The following ZNF223 variants were observed in gnomAD, a reference collection of about 807,000 sequenced individuals.
The protein encoded by ZNF223 is Homo sapiens zinc finger protein 223.
Under a neutral mutation model 12.3 loss-of-function variants are expected in ZNF223, and 9 were observed. The ratio of observed to expected loss-of-function variants is 0.73; its 90% CI spans 0.44 to 1.28. The LOEUF is 1.28. ZNF223 is among the 50% of genes most tolerant of loss of function. The probability of loss-of-function intolerance (pLI) is 0.00; values close to 1 mark genes in which losing one functional copy is unlikely to be tolerated. For synonymous variants in ZNF223, 171 were observed against 195.2 expected (o/e 0.88, Z 1.03); for missense variants, 506 against 579.0 (o/e 0.87, Z 1.29).
chr19:44,060,779 A>G lies in ZNF223; in HGVS notation c.173A>G (p.His58Arg). 2.5e-6 allele frequency: 4 copies of G among 1,614,034 alleles called. No homozygotes were observed. The South Asian group carries it at 3.3e-5, about 13-fold the overall frequency. Residue 58 changes from histidine to arginine, a missense_variant, in exon 4 of 5, where the codon CAC becomes CGC. Coordinates refer to ENST00000434772, the MANE Select transcript of ZNF223 (RefSeq NM_013361.6). ...GHQPFHRDTF[H>R]FLREEKFWMM... is the part of the protein sequence containing the mutation. ...CAACCATTCCACCGAGATACTTTCCACTTTCTAAGGGAGGAAAAGTTTTGG... is the reference window on the plus strand; with the variant it reads ...CAACCATTCCACCGAGATACTTTCCGCTTTCTAAGGGAGGAAAAGTTTTGG...
At chr19:44,064,137 A>C (rs1256086434) in intron 4 of ZNF223, among the ~76,000 whole-genome samples, 1 of 152,214 alleles carries the variant, frequency 6.6e-6, no homozygotes, top group Non-Finnish European at 1.5e-5. Context: ...CATTTCATGT[A>C]ACGACACCTT....
intron 2 of ZNF223, among the ~76,000 whole-genome samples, chr19:44,055,677 G>A (rs375744237): frequency 6.6e-6 from 1 of 152,008 alleles, no homozygotes; most frequent in African/African-American, 2.4e-5. Flanking sequence ...GCTGAAGCAC[G>A]AGAATCACTT....
rs1599869538 is a variant in ZNF223 at position 44,060,529 on chromosome 19, G to A, written c.90G>A (p.Arg30=). The change falls in exon 3 of 5, where the codon AGG becomes AGA. Residue 30 remains arginine (R), a synonymous_variant. Transcript: ENST00000434772. ...TGGGGCTGCTGGACCTTGCCCAGAG[G>A]AAGCTGTATCGAGATGTGATGCTGG... ...EELGLLDLAQ[R]KLYRDVMLEN... is the part of the protein sequence containing the mutation. 6.2e-7 allele frequency: 1 copy of A among 1,614,158 alleles called. No individual in the cohort carries two copies. Among genetic ancestry groups the A allele is most frequent in the Non-Finnish European group, 8.5e-7 (1 of 1,180,014 alleles).
At chr19:44,059,793 G>A (rs1976813326) in intron 2 of ZNF223, among the ~76,000 whole-genome samples, 1 of 152,210 alleles carries the variant, frequency 6.6e-6, no homozygotes, top group African/African-American at 2.4e-5. Context: ...ATGCCTGCTA[G>A]TGCCAGCCAC....
At position 44,060,445 on chromosome 19, in the gene ZNF223, G is replaced by A. The variant is rs772913323; in HGVS notation, c.16-10G>A. On this transcript the variant is annotated splice_polypyrimidine_tract_variant and intron_variant, in intron 2 of 4. Transcript: ENST00000434772. ...AGTGAGATTGAGGTTGCATATGTTT[G>A]ATGCTGTAGGAGGCAGTGACCTTCA... 3.1e-6 allele frequency: 5 copies of A among 1,613,844 alleles called. No homozygotes were observed. The Admixed American group carries it at 8.3e-5, about 27-fold the overall frequency.
rs139558837 is a variant in ZNF223 at position 44,058,691 on chromosome 19, G to A, written c.16-1764G>A. Among the ~76,000 whole-genome samples, 619 of 152,318 alleles carry A rather than the reference G, an allele frequency of 4.1e-3. 3 individuals are homozygous for A. The highest frequency in any genetic ancestry group is 0.024 in the Middle Eastern group (7 of 294). On this transcript the variant is annotated intron_variant, in intron 2 of 4. Transcript: ENST00000434772. ...AAAGCACAGAGCACTTGTGTTTTTT[G>A]AACCTTCCTGAGGGAGTGAAGGGAT...
intron 4 of ZNF223, chr19:44,061,067 A>C: frequency 2.1e-6 from 1 of 486,036 alleles, no homozygotes; most frequent in Non-Finnish European, 3.7e-6. Context: ...GTCATTCCTC[A>C]GCTTAAGAGC....
Position 44,067,099 on chromosome 19 carries a change from G to A in ZNF223, c.1271G>A (p.Arg424Gln), listed in dbSNP as rs748805393. ...TTGAATCATAAGAGACTCCATTGCC[G>A]AAAAAAACCATTCAAATGTGAGGAT... ...SILNHKRLHCRKKPFKCEDCG... is the reference protein window; with the variant it reads ...SILNHKRLHCQKKPFKCEDCG... The change falls in exon 5 of 5, where the codon CGA becomes CAA. Residue 424 changes from arginine (R) to glutamine (Q), a missense_variant. Coordinates refer to ENST00000434772, the MANE Select transcript of ZNF223 (RefSeq NM_013361.6). The A allele has an allele frequency of 3.3e-5, 53 of 1,612,386 alleles. No homozygotes were observed. Among genetic ancestry groups the A allele is most frequent in the Non-Finnish European group, 4.0e-5 (47 of 1,179,646 alleles).
chr19:44,056,743 G>A (rs374988486), intron 2 of ZNF223, among the ~76,000 whole-genome samples: 3 of 151,086 alleles, frequency 2.0e-5, no homozygotes, highest in Non-Finnish European at 4.4e-5. Flanking sequence ...ACAGGCGCCC[G>A]CCACCACACA....
intron 2 of ZNF223, among the ~76,000 whole-genome samples, chr19:44,056,361 C>CAAAAA (rs1227362311): frequency 1.3e-5 from 1 of 78,848 alleles, no homozygotes. Context: ...ACTAAAAATA[C>CAAAAA]AAAAAAAAAA....
rs759782441 is a variant in ZNF223, at chr19:44,060,222, C to T, written c.16-233C>T. 120 of 648,080 alleles carry T rather than the reference C, an allele frequency of 1.9e-4. 1 individual carries two copies. The highest frequency in any genetic ancestry group is 2.8e-4 in the Non-Finnish European group (111 of 400,200). 40.1% of individuals were successfully genotyped at this position (648,080 alleles called of 1,614,324 possible). Reference sequence around the variant, plus strand: ...TACATACAAGTAAACTCAATGAGTTCACTAAATAAGACCACAAGACTTCTT... The same window carrying T: ...TACATACAAGTAAACTCAATGAGTTTACTAAATAAGACCACAAGACTTCTT... On this transcript the variant is annotated intron_variant, in intron 2 of 4. Transcript: ENST00000434772.
intron 1 of ZNF223, among the ~76,000 whole-genome samples, chr19:44,053,212 A>C (rs893855356): frequency 4.6e-5 from 7 of 152,192 alleles, no homozygotes; most frequent in Non-Finnish European, 8.8e-5. Flanking sequence ...AGAGGAAGAA[A>C]AGTGGGCCCA....
chr19:44,054,899 T>A (rs1976745103), intron 1 of ZNF223, among the ~76,000 whole-genome samples: 1 of 152,180 alleles, frequency 6.6e-6, no homozygotes, highest in Admixed American at 6.5e-5. Flanking sequence ...CCTTTACATT[T>A]CCAAATAAGA....
intron 1 of ZNF223, 150 bp from the exon 2 acceptor site, chr19:44,054,959 G>T: frequency 2.2e-6 from 1 of 464,994 alleles, no homozygotes; most frequent in South Asian, 5.6e-5. Flanking sequence ...ACCTGTAGGA[G>T]AGCTTTTTGG....
At chr19:44,054,855 T>C (rs967090993) in intron 1 of ZNF223, among the ~76,000 whole-genome samples, 4 of 152,232 alleles carry the variant, frequency 2.6e-5, no homozygotes, top group Non-Finnish European at 5.9e-5. Flanking sequence ...TTTTCAAGGT[T>C]CACGGGTGTT....
rs769086684 is a variant in ZNF223 at position 44,067,086 on chromosome 19, A to G, written c.1258A>G (p.Arg420Gly). The G allele has an allele frequency of 2.5e-6, 4 of 1,613,726 alleles. No homozygotes were observed. In the African/African-American group the frequency reaches 5.3e-5, roughly 22 times the overall value. Residue 420 changes from arginine (R) to glycine (G), a missense_variant, in exon 5 of 5, where the codon AGA becomes GGA. Transcript: ENST00000434772. ...RQASSILNHK[R>G]LHCRKKPFKC... ...GGCCTCAAGTATTTTGAATCATAAGAGACTCCATTGCCGAAAAAAACCATT... is the reference window on the plus strand; with the variant it reads ...GGCCTCAAGTATTTTGAATCATAAGGGACTCCATTGCCGAAAAAAACCATT...
At chr19:44,060,363 C>A (rs1452813373) in intron 2 of ZNF223, 92 bp from the exon 3 acceptor site, 4 of 1,551,656 alleles carry the variant, frequency 2.6e-6, no homozygotes, top group Non-Finnish European at 3.5e-6. Context: ...TCCTGAAAAA[C>A]TTTCCATTTT....
intron 2 of ZNF223, among the ~76,000 whole-genome samples, chr19:44,057,499 A>T (rs1364545984): frequency 2.0e-5 from 3 of 152,220 alleles, no homozygotes; most frequent in African/African-American, 7.2e-5. Flanking sequence ...TAATGGTAAT[A>T]ACAGTAATAA....
At chr19:44,062,152 A>G (rs947006705) in intron 4 of ZNF223, among the ~76,000 whole-genome samples, 12 of 152,202 alleles carry the variant, frequency 7.9e-5, no homozygotes, top group Non-Finnish European at 4.4e-5. Flanking sequence ...GAGCTAGCTA[A>G]TAAGTAATAC....
Sources: allele counts gnomAD v4.1 joint callset (sites outside exome capture counted in the v4.1 genomes callset), GRCh38; gene constraint gnomAD v4.1.1; transcripts MANE v1.5; gene names NCBI Gene and HGNC (gene_info 2026-07-23, HGNC 2026-07-21).